Variants in CRB1 observed in about 807,000 individuals in gnomAD.
The protein encoded by CRB1 is crumbs cell polarity complex component 1.
CRB1 carries 83 observed loss-of-function variants against 120.0 expected under a neutral mutation model. The observed-to-expected ratio is 0.69, with a 90% CI of 0.58 to 0.83. CRB1 has a LOEUF of 0.83. Among genes scored for constraint, CRB1 ranks in the 40% least tolerant of loss-of-function variants. The pLI is 0.00. For synonymous variants in CRB1, 625 were observed against 612.5 expected, an observed-to-expected ratio of 1.02 and a Z score of -0.30; for missense variants, 1,699 against 1,687.6, an observed-to-expected ratio of 1.01 and a Z score of -0.12.
chr1:197,232,842 A>G, the CRB1 span, among the ~76,000 whole-genome samples: 1 of 152,110 alleles, frequency 6.6e-6, no homozygotes, highest in East Asian at 1.9e-4. Context: ...TCAGAATCTG[A>G]GTTGATATTG....
Position 197,446,172 on chromosome 1 carries a change from A to G in CRB1, c.4005+3880A>G, listed in dbSNP as rs571640694. Among the ~76,000 whole-genome samples, 11 of 144,042 alleles carry G rather than the reference A, an allele frequency of 7.6e-5. No homozygotes were observed. In the South Asian group the frequency reaches 2.6e-3, roughly 34 times the overall value. The allele number at this position is 144,042 out of a possible 152,430, so 94.5% of individuals were successfully genotyped here. On this transcript the variant is annotated intron_variant, in intron 11 of 11. Transcript: ENST00000367400. ...ACCATTACACTCCAGCCTGGGTGAC[A>G]GAGTGAGACTTTGTCTCAAAAAAAA... is the stretch of plus-strand genomic sequence containing the variant.
intron 1 of CRB1, among the ~76,000 whole-genome samples, chr1:197,325,767 AAC>A (rs1658459433): frequency 6.6e-6 from 1 of 152,194 alleles, no homozygotes; most frequent in South Asian, 2.1e-4. Flanking sequence ...ATTCCCAAAT[AAC>A]TTTATATACA....
chr1:197,414,868 T>C (rs998730074), intron 5 of CRB1, among the ~76,000 whole-genome samples: 3 of 152,194 alleles, frequency 2.0e-5, no homozygotes, highest in Admixed American at 6.5e-5. Flanking sequence ...TATTTTACAT[T>C]GGACATGTCA....
intron 5 of CRB1, among the ~76,000 whole-genome samples, chr1:197,386,910 T>A (rs534024678): frequency 2.6e-4 from 40 of 152,158 alleles, no homozygotes; most frequent in Non-Finnish European, 4.7e-4. Flanking sequence ...AATTCCATAG[T>A]AATAGCTATG....
At chr1:197,320,777 A>T (rs915799832) in intron 1 of CRB1, among the ~76,000 whole-genome samples, 1 of 152,202 alleles carries the variant, frequency 6.6e-6, no homozygotes, top group African/African-American at 2.4e-5. Context: ...CTAAATTATC[A>T]TATCAAGTAA....
At chr1:197,307,839 T>C (rs529665679) in intron 1 of CRB1, among the ~76,000 whole-genome samples, 2 of 152,304 alleles carry the variant, frequency 1.3e-5, no homozygotes, top group East Asian at 3.9e-4. Context: ...AGATCCTCTC[T>C]CTCCCTGGTC....
At chr1:197,249,398 T>C in the CRB1 span, among the ~76,000 whole-genome samples, 1 of 151,938 alleles carries the variant, frequency 6.6e-6, no homozygotes. Flanking sequence ...CCCGTTCATT[T>C]TGAAAGATAT....
At chr1:197,448,323 G>A (rs577301194) in intron 11 of CRB1, among the ~76,000 whole-genome samples, 1 of 152,206 alleles carries the variant, frequency 6.6e-6, no homozygotes, top group South Asian at 2.1e-4. Flanking sequence ...TTGCGTAAAT[G>A]CCCCTGACTA....
At chr1:197,376,566 C>A (rs937310353) in intron 5 of CRB1, among the ~76,000 whole-genome samples, 5 of 152,156 alleles carry the variant, frequency 3.3e-5, no homozygotes, top group African/African-American at 1.2e-4. Context: ...ACATCTGATT[C>A]CTCCACACAG....
chr1:197,330,953 G>C (rs1658817486), intron 2 of CRB1, among the ~76,000 whole-genome samples: 1 of 152,176 alleles, frequency 6.6e-6, no homozygotes, highest in Non-Finnish European at 1.5e-5. Flanking sequence ...CCAGCACTTT[G>C]GGAGGCCGAG....
chr1:197,470,728 C>T (rs1457622850), intron 11 of CRB1, among the ~76,000 whole-genome samples: 1 of 152,222 alleles, frequency 6.6e-6, no homozygotes, highest in East Asian at 1.9e-4. Flanking sequence ...ATTATCAGGG[C>T]TTTTTCTTGA....
intron 10 of CRB1, 128 bp from the exon 11 acceptor site, chr1:197,442,038 T>C (rs988350460): frequency 1.9e-6 from 2 of 1,043,128 alleles, no homozygotes; most frequent in African/African-American, 3.1e-5. Context: ...CAAGTATGTA[T>C]AAAGTATGTG....
intron 11 of CRB1, among the ~76,000 whole-genome samples, chr1:197,471,175 C>T (rs1331248227): frequency 1.3e-5 from 2 of 152,110 alleles, no homozygotes; most frequent in African/African-American, 4.8e-5. Flanking sequence ...GTTCCCTGGA[C>T]GGTCCCATCT....
chr1:197,455,725 G>T (rs1558153924), intron 11 of CRB1, among the ~76,000 whole-genome samples: 1 of 151,932 alleles, frequency 6.6e-6, no homozygotes, highest in Admixed American at 6.6e-5. Flanking sequence ...AAACTTCCAT[G>T]AATCATAATA....
upstream of CRB1, among the ~76,000 whole-genome samples, chr1:197,266,971 C>T (rs185678267): frequency 1.5e-4 from 23 of 152,022 alleles, no homozygotes; most frequent in Admixed American, 1.5e-3. Flanking sequence ...AGAATGGTAT[C>T]GTTGCAAAAG....
Position 197,429,578 on chromosome 1 carries a change from G to A in CRB1, c.2806G>A (p.Gly936Arg), listed in dbSNP as rs181410446. 34 of 1,613,946 alleles carry A rather than the reference G, an allele frequency of 2.1e-5. No individual in the cohort carries two copies. Among genetic ancestry groups the A allele is most frequent in the African/African-American group, 1.1e-4 (8 of 74,994 alleles). ...GTGTGGATTCAGCCCGTGTCCTCAC[G>A]GAGCCCAGTGCCAGCCGGTGCTTCA... ...QWCGFSPCPH[G>R]AQCQPVLQGF... The change falls in exon 8 of 12, where the codon GGA (glycine) becomes AGA (arginine). Residue 936 changes from glycine to arginine, a missense_variant. Coordinates refer to ENST00000367400, the MANE Select transcript of CRB1 (RefSeq NM_201253.3).
the CRB1 span, among the ~76,000 whole-genome samples, chr1:197,246,413 C>A: frequency 3.3e-5 from 5 of 152,044 alleles, no homozygotes; most frequent in African/African-American, 4.8e-5. Context: ...TTGCTGGCTT[C>A]TTCAGCTCCA....
At chr1:197,369,619 G>A (rs1366481137) in intron 5 of CRB1, among the ~76,000 whole-genome samples, 1 of 152,096 alleles carries the variant, frequency 6.6e-6, no homozygotes, top group East Asian at 1.9e-4. Context: ...TTTCCCTAAA[G>A]TACATCAGGA....
chr1:197,391,523 GA>G, intron 5 of CRB1, among the ~76,000 whole-genome samples: 1 of 151,884 alleles, frequency 6.6e-6, no homozygotes, highest in African/African-American at 2.4e-5. Flanking sequence ...AGTTCAAATG[GA>G]AAAAAAATGT....
Sources: gnomAD v4.1 joint callset for allele counts (sites outside exome capture counted in the v4.1 genomes callset) on GRCh38, gnomAD v4.1.1 for gene constraint, MANE v1.5 for transcripts, NCBI Gene and HGNC (gene_info 2026-07-23, HGNC 2026-07-21) for gene names.